Variants in FILIP1L observed in about 807,000 individuals in gnomAD.
FILIP1L encodes filamin A-interacting protein 1-like.
FILIP1L carries 55 observed loss-of-function variants against 96.6 expected under a neutral mutation model. The observed-to-expected ratio is 0.57, with a 90% CI of 0.46 to 0.71. FILIP1L has a LOEUF of 0.71. FILIP1L is among the 30% of genes least tolerant of loss of function. FILIP1L has a pLI of 0.00. For synonymous variants in FILIP1L, 467 were observed against 473.9 expected (o/e 0.99, Z 0.19); for missense variants, 1,304 against 1,321.2 (o/e 0.99, Z 0.20).
At chr3:99,908,701 G>A (rs1213978494) in intron 4 of FILIP1L, among the ~76,000 whole-genome samples, 2 of 152,112 alleles carry the variant, frequency 1.3e-5, no homozygotes, top group African/African-American at 2.4e-5. Context: ...GTTGTTAGGA[G>A]GATTAAATGA....
chr3:100,037,198 A>T (rs762116651), intron 1 of FILIP1L, among the ~76,000 whole-genome samples: 22 of 151,834 alleles, frequency 1.4e-4, no homozygotes, highest in Non-Finnish European at 2.1e-4. Context: ...TTGTGGAGTA[A>T]GTGAATTTCT....
At chr3:100,090,702 A>G (rs2066089170) in intron 1 of FILIP1L, among the ~76,000 whole-genome samples, 1 of 152,114 alleles carries the variant, frequency 6.6e-6, no homozygotes, top group African/African-American at 2.4e-5. Flanking sequence ...GCTGTATTTA[A>G]TTAGGACACC....
intron 1 of FILIP1L, among the ~76,000 whole-genome samples, chr3:100,101,398 T>C (rs1331445798): frequency 6.6e-6 from 1 of 152,118 alleles, no homozygotes; most frequent in Non-Finnish European, 1.5e-5. Flanking sequence ...AGTCCAGCTT[T>C]GCAGGCAGGT....
At chr3:100,051,383 T>C (rs909222122) in intron 1 of FILIP1L, 4 of 151,918 alleles carry the variant, frequency 2.6e-5, no homozygotes, top group African/African-American at 9.7e-5. Flanking sequence ...TATTTTAAGT[T>C]TTAGGGTACA....
intron 4 of FILIP1L, among the ~76,000 whole-genome samples, chr3:99,870,768 T>C (rs1944748294): frequency 6.6e-6 from 1 of 152,212 alleles, no homozygotes. Context: ...ATACACTGGT[T>C]TACCCACAGA....
intron 1 of FILIP1L, among the ~76,000 whole-genome samples, chr3:100,087,982 C>G (rs1263750502): frequency 1.3e-5 from 2 of 152,052 alleles, no homozygotes; most frequent in Admixed American, 6.6e-5. Flanking sequence ...AGGTGCCCAC[C>G]ACCATGCCTG....
At chr3:99,955,323 C>G (rs922704109) in intron 1 of FILIP1L, among the ~76,000 whole-genome samples, 1 of 152,156 alleles carries the variant, frequency 6.6e-6, no homozygotes, top group African/African-American at 2.4e-5. Context: ...GGAGTATAAA[C>G]AGAGACCTAC....
intron 1 of FILIP1L, among the ~76,000 whole-genome samples, chr3:99,937,434 C>A (rs1225246837): frequency 6.6e-6 from 1 of 152,172 alleles, no homozygotes; most frequent in Non-Finnish European, 1.5e-5. Context: ...TCAACCACTG[C>A]TGTCATATTG....
intron 5 of FILIP1L, among the ~76,000 whole-genome samples, chr3:99,844,369 A>G (rs1274271964): frequency 6.6e-6 from 1 of 152,178 alleles, no homozygotes; most frequent in African/African-American, 2.4e-5. Flanking sequence ...GTTTTGGGGC[A>G]TGCATTTTTG....
At chr3:100,003,936 G>T (rs1410079340) in intron 1 of FILIP1L, among the ~76,000 whole-genome samples, 1 of 152,122 alleles carries the variant, frequency 6.6e-6, no homozygotes, top group Non-Finnish European at 1.5e-5. Context: ...GTCTTCTCAG[G>T]TTGTATTCAA....
intron 1 of FILIP1L, among the ~76,000 whole-genome samples, chr3:100,079,391 A>G (rs922134338): frequency 6.6e-6 from 1 of 152,214 alleles, no homozygotes; most frequent in Admixed American, 6.5e-5. Flanking sequence ...GTTGCTTAGT[A>G]AATATTTGTT....
chr3:99,864,685 T>C (rs186100867), intron 4 of FILIP1L, among the ~76,000 whole-genome samples: 6 of 152,202 alleles, frequency 3.9e-5, no homozygotes, highest in Admixed American at 6.5e-5. Flanking sequence ...CCTTCTACTG[T>C]TCTCCTCTTT....
chr3:99,905,947 G>A (rs1045379720), intron 4 of FILIP1L, among the ~76,000 whole-genome samples: 1 of 152,188 alleles, frequency 6.6e-6, no homozygotes, highest in Non-Finnish European at 1.5e-5. Context: ...AGTCCCAGCA[G>A]TTTGGGAGGC....
At chr3:100,069,925 G>A (rs1187683640) in intron 1 of FILIP1L, among the ~76,000 whole-genome samples, 4 of 152,004 alleles carry the variant, frequency 2.6e-5, no homozygotes, top group African/African-American at 9.7e-5. Flanking sequence ...AAGAAAATCT[G>A]GTTTGATAGG....
At chr3:99,878,810 A>G (rs1705626058) in intron 4 of FILIP1L, among the ~76,000 whole-genome samples, 1 of 152,208 alleles carries the variant, frequency 6.6e-6, no homozygotes, top group African/African-American at 2.4e-5. Flanking sequence ...GCAAACTCCA[A>G]CCAGCTGTTG....
intron 4 of FILIP1L, among the ~76,000 whole-genome samples, chr3:99,919,080 AT>A (rs1707044531): frequency 6.6e-6 from 1 of 152,178 alleles, no homozygotes; most frequent in Admixed American, 6.5e-5. Flanking sequence ...TTAAAGCTTT[AT>A]ACCCACTGTG....
intron 1 of FILIP1L, among the ~76,000 whole-genome samples, chr3:99,945,323 G>A (rs892954429): frequency 7.9e-5 from 12 of 152,168 alleles, no homozygotes; most frequent in Admixed American, 2.0e-4. Context: ...TACCCAGACT[G>A]CTTCCCAGCC....
intron 1 of FILIP1L, among the ~76,000 whole-genome samples, chr3:100,031,132 ACAT>A (rs1328439201): frequency 2.0e-5 from 3 of 152,130 alleles, no homozygotes; most frequent in African/African-American, 7.2e-5. Flanking sequence ...ATTTTCCTAG[ACAT>A]CAGCATTTTT....
At chr3:99,854,706 G>A (rs2107538179) in intron 4 of FILIP1L, among the ~76,000 whole-genome samples, 1 of 152,120 alleles carries the variant, frequency 6.6e-6, no homozygotes, top group East Asian at 1.9e-4. Context: ...ACCTCCAGTT[G>A]AGAACTACTG....
Sources: gnomAD v4.1 joint callset for allele counts (sites outside exome capture counted in the v4.1 genomes callset) on GRCh38, gnomAD v4.1.1 for gene constraint, MANE v1.5 for transcripts, NCBI Gene and HGNC (gene_info 2026-07-23, HGNC 2026-07-21) for gene names.